SLAMF9: variants seen among roughly 807,000 people sequenced by gnomAD.
SLAMF9 encodes SLAM family member 9, also known as CD2 family member 10.
Under a neutral mutation model 30.4 loss-of-function variants are expected in SLAMF9, and 25 were observed. The ratio of observed to expected loss-of-function variants is 0.82; its 90% CI spans 0.60 to 1.15. SLAMF9 has a LOEUF of 1.15. Ranked by LOEUF, SLAMF9 falls within the 50% of genes most tolerant of loss-of-function variation. The pLI is 0.00. For synonymous variants in SLAMF9, 129 were observed against 127.2 expected, an observed-to-expected ratio of 1.01 and a Z score of -0.09; for missense variants, 344 against 346.1, an observed-to-expected ratio of 0.99 and a Z score of 0.05.
the SLAMF9 span, among the ~76,000 whole-genome samples, chr1:159,960,037 T>C: frequency 1.3e-5 from 2 of 151,670 alleles, no homozygotes; most frequent in African/African-American, 2.4e-5. Context: ...TATTATACTT[T>C]AAGTTCTAGA....
At chr1:159,974,009 A>C in the SLAMF9 span, 2 of 1,606,414 alleles carry the variant, frequency 1.2e-6, no homozygotes, top group Non-Finnish European at 1.7e-6. Flanking sequence ...GACATCACAG[A>C]GTCAGGGCAT....
chr1:159,954,453 C>G (rs1651880315), upstream of SLAMF9, among the ~76,000 whole-genome samples: 1 of 152,282 alleles, frequency 6.6e-6, no homozygotes, highest in South Asian at 2.1e-4. Context: ...CCTACCCGCC[C>G]CAGGTCCCCG....
chr1:159,966,765 T>G, the SLAMF9 span, among the ~76,000 whole-genome samples: 1 of 152,344 alleles, frequency 6.6e-6, no homozygotes, highest in South Asian at 2.1e-4. Flanking sequence ...TATGCCTTCT[T>G]TTGAGAAGTG....
the SLAMF9 span, among the ~76,000 whole-genome samples, chr1:159,959,719 T>C: frequency 4.6e-5 from 7 of 152,108 alleles, no homozygotes; most frequent in South Asian, 2.1e-4. Context: ...GGAAGAGGTG[T>C]GGACTCACAG....
At chr1:159,958,191 A>G (rs1029036708), upstream of SLAMF9, among the ~76,000 whole-genome samples, 5 of 152,352 alleles carry the variant, frequency 3.3e-5, no homozygotes, top group Middle Eastern at 3.4e-3. Context: ...AAGGTGCTGC[A>G]GCTAGAGCCT....
chr1:159,977,746 A>G, the SLAMF9 span, among the ~76,000 whole-genome samples: 1 of 152,026 alleles, frequency 6.6e-6, no homozygotes, highest in Non-Finnish European at 1.5e-5. Flanking sequence ...GCCTGAGCTC[A>G]GTAAGATGGA....
At chr1:159,955,496 G>T (rs1317532831), upstream of SLAMF9, among the ~76,000 whole-genome samples, 1 of 152,198 alleles carries the variant, frequency 6.6e-6, no homozygotes, top group Non-Finnish European at 1.5e-5. Context: ...TTCAGCTTTG[G>T]TCTTGTGCCA....
chr1:159,952,351 C>T lies in SLAMF9; in HGVS notation c.575G>A (p.Gly192Glu), dbSNP rs776700547. The change falls in exon 3 of 4, where the codon GGG (glycine) becomes GAG (glutamate). Residue 192 changes from glycine to glutamate, a missense_variant. By Grantham distance (98) the Gly-to-Glu change is moderately conservative (BLOSUM62 -2). Coordinates refer to ENST00000368093, the MANE Select transcript of SLAMF9 (RefSeq NM_033438.4). ...GPVLSTSWRP[G>E]DSALSYTCRA... is the part of the protein sequence containing the mutation. ...GCAGGTGTAGGAGAGGGCACTGTCC[C>T]CCGGCCTCCAGGATGTGCTGAGGAC... 6.2e-7 allele frequency: 1 copy of T among 1,614,074 alleles called. No individual in the cohort carries two copies. The highest frequency in any genetic ancestry group is 8.5e-7 in the Non-Finnish European group (1 of 1,180,004).
chr1:159,968,172 G>A, the SLAMF9 span, among the ~76,000 whole-genome samples: 1 of 152,254 alleles, frequency 6.6e-6, no homozygotes, highest in East Asian at 1.9e-4. Context: ...TCCTTGTTGT[G>A]TTTCTGATAT....
At chr1:159,980,357 G>C in the SLAMF9 span, among the ~76,000 whole-genome samples, 1 of 152,082 alleles carries the variant, frequency 6.6e-6, no homozygotes, top group Non-Finnish European at 1.5e-5. Context: ...CACCAGCCTT[G>C]TACCTTTCGT....
the SLAMF9 span, among the ~76,000 whole-genome samples, chr1:159,962,623 A>G: frequency 2.6e-5 from 4 of 152,154 alleles, no homozygotes; most frequent in African/African-American, 9.7e-5. Context: ...CCTCGGCTAT[A>G]ATGAGAAGAA....
chr1:159,953,310 G>A lies in SLAMF9; in HGVS notation c.390C>T (p.Tyr130=). ...STMQQYNICV[Y]RWLSEPQITV... is the part of the protein sequence containing the mutation. Reference sequence around the variant, plus strand: ...TTATGGTTCCCAGCCTAAACTCACGGTAGACACATATATTGTACTGCTGCA... The same window carrying A: ...TTATGGTTCCCAGCCTAAACTCACGATAGACACATATATTGTACTGCTGCA... Residue 130 remains tyrosine, a splice_region_variant and synonymous_variant, in exon 2 of 4, where the codon TAC becomes TAT. Transcript: ENST00000368093. 1.9e-6 allele frequency: 3 copies of A among 1,594,994 alleles called. No homozygotes were observed. The highest frequency in any genetic ancestry group is 2.6e-6 in the Non-Finnish European group (3 of 1,164,304).
the SLAMF9 span, among the ~76,000 whole-genome samples, chr1:159,979,794 G>C: frequency 6.6e-6 from 1 of 152,058 alleles, no homozygotes; most frequent in Non-Finnish European, 1.5e-5. Flanking sequence ...GACAAAACAC[G>C]TATGGAGACA....
the SLAMF9 span, among the ~76,000 whole-genome samples, chr1:159,966,199 T>C: frequency 0.011 from 1,658 of 152,328 alleles, 14 homozygotes; most frequent in South Asian, 0.032. Context: ...AATAAGATCA[T>C]GCAGTATTTA....
At chr1:159,964,304 A>G in the SLAMF9 span, among the ~76,000 whole-genome samples, 175 of 152,162 alleles carry the variant, frequency 1.2e-3, 1 homozygote, top group African/African-American at 4.0e-3. Context: ...CTTTCCCCCT[A>G]AGTAAAGCCA....
At chr1:159,966,960 T>C in the SLAMF9 span, among the ~76,000 whole-genome samples, 1 of 152,182 alleles carries the variant, frequency 6.6e-6, no homozygotes, top group Non-Finnish European at 1.5e-5. Context: ...TGTTTTTGTT[T>C]TGCTATGCAT....
the SLAMF9 span, chr1:159,965,537 G>A: frequency 2.6e-5 from 4 of 152,334 alleles, no homozygotes; most frequent in South Asian, 8.3e-4. Flanking sequence ...TACTGCATCT[G>A]GCTGACAGAG....
intron 2 of SLAMF9, 102 bp from the exon 3 acceptor site, chr1:159,952,636 C>T: frequency 1.6e-6 from 2 of 1,251,880 alleles, no homozygotes; most frequent in Non-Finnish European, 2.2e-6. Context: ...CCTTGACAGC[C>T]CCTGCACCTA....
At chr1:159,965,795 T>G in the SLAMF9 span, 1 of 152,248 alleles carries the variant, frequency 6.6e-6, no homozygotes, top group Non-Finnish European at 1.5e-5. Context: ...TAGTCCCATA[T>G]TAAAATGTTT....
Sources: allele counts gnomAD v4.1 joint callset (sites outside exome capture counted in the v4.1 genomes callset), GRCh38; gene constraint gnomAD v4.1.1; transcripts MANE v1.5; gene names NCBI Gene and HGNC (gene_info 2026-07-23, HGNC 2026-07-21).